DCC: variants seen among roughly 807,000 people sequenced by gnomAD.
DCC encodes DCC netrin 1 receptor.
A neutral mutation model predicts 172.5 loss-of-function variants in DCC; 58 were observed. That is an observed-to-expected ratio of 0.34 (90% CI 0.27 to 0.42). The LOEUF is 0.42. Ranked by LOEUF, DCC falls within the 10% of genes least tolerant of loss-of-function variation. The pLI is 1.00. For synonymous variants in DCC, 709 were observed against 644.5 expected (o/e 1.10, Z -1.52); for missense variants, 1,740 against 1,791.0 (o/e 0.97, Z 0.51).
intron 1 of DCC, among the ~76,000 whole-genome samples, chr18:52,560,617 C>G (rs1435530385): frequency 6.6e-6 from 1 of 152,210 alleles, no homozygotes; most frequent in Non-Finnish European, 1.5e-5. Flanking sequence ...CTTAAATACT[C>G]TTTGATCTTG....
At chr18:52,549,385 C>A (rs975976956) in intron 1 of DCC, among the ~76,000 whole-genome samples, 18 of 151,994 alleles carry the variant, frequency 1.2e-4, no homozygotes, top group African/African-American at 4.3e-4. Context: ...ATTCTCTTAT[C>A]CCCATTTGTC....
chr18:52,770,256 T>C (rs1309799390), intron 2 of DCC, among the ~76,000 whole-genome samples: 1 of 152,186 alleles, frequency 6.6e-6, no homozygotes, highest in African/African-American at 2.4e-5. Flanking sequence ...CATGTCTCAC[T>C]TCCTCCCACA....
chr18:53,499,523 G>T lies in DCC; in HGVS notation c.4111+13G>T. The T allele has an allele frequency of 6.2e-7, 1 of 1,601,878 alleles. No homozygotes were observed. Among genetic ancestry groups the T allele is most frequent in the Non-Finnish European group, 8.6e-7 (1 of 1,168,940 alleles). On this transcript the variant is annotated intron_variant, in intron 27 of 28. Coordinates refer to ENST00000442544, the MANE Select transcript of DCC (RefSeq NM_005215.4). The stretch of plus-strand genomic sequence containing the variant: ...TTGTCTCAGCCAGGTAAAGTACTCG[G>T]TTGTTCACCTTTAAAATTCTTATTA...
chr18:52,538,542 C>G (rs982652811), intron 1 of DCC, among the ~76,000 whole-genome samples: 1 of 151,992 alleles, frequency 6.6e-6, no homozygotes, highest in Non-Finnish European at 1.5e-5. Flanking sequence ...ATAATAAATC[C>G]TGCCTTATTA....
chr18:53,315,742 T>G (rs534828747), intron 13 of DCC, among the ~76,000 whole-genome samples: 9 of 152,238 alleles, frequency 5.9e-5, no homozygotes, highest in Non-Finnish European at 2.9e-5. Context: ...ATATATTTTT[T>G]GGCCCCAGGA....
At chr18:53,313,547 C>T (rs951574640) in intron 13 of DCC, among the ~76,000 whole-genome samples, 2 of 152,120 alleles carry the variant, frequency 1.3e-5, no homozygotes, top group African/African-American at 4.8e-5. Flanking sequence ...CTCCCGGCCG[C>T]ATTTCTAAGC....
chr18:52,430,144 A>G (rs1987572708), intron 1 of DCC, among the ~76,000 whole-genome samples: 1 of 152,130 alleles, frequency 6.6e-6, no homozygotes. Flanking sequence ...GAGACACCCA[A>G]TCTACATTCT....
intron 14 of DCC, among the ~76,000 whole-genome samples, chr18:53,335,129 C>T (rs2057577347): frequency 6.6e-6 from 1 of 152,080 alleles, no homozygotes; most frequent in African/African-American, 2.4e-5. Flanking sequence ...TCTTTGGTTT[C>T]TCTGAATACC....
Position 52,350,666 on chromosome 18 carries a change from A to T in DCC, c.91+9788A>T, listed in dbSNP as rs547705480. 2.6e-3 allele frequency among the ~76,000 whole-genome samples: 397 copies of T among 152,332 alleles called. 3 individuals are homozygous for T. Among genetic ancestry groups the T allele is most frequent in the African/African-American group, 9.1e-3 (378 of 41,590 alleles). On this transcript the variant is annotated intron_variant, in intron 1 of 28. Transcript: ENST00000442544. ...GTATTCCAGAACTTAAATATAATTTAAAAAACTCATAATATATTAATATTT... is the reference window on the plus strand; with the variant it reads ...GTATTCCAGAACTTAAATATAATTTTAAAAACTCATAATATATTAATATTT...
In DCC at chr18:52,543,193, AT is replaced by A. The variant is rs368003769; in HGVS notation, c.91+202318del. Among the ~76,000 whole-genome samples the A allele has an allele frequency of 2.9e-4, 44 of 152,356 alleles. No individual in the cohort carries two copies. In the South Asian group the frequency reaches 5.2e-3, roughly 18 times the overall value. ...ACAGAGAAAGATGTGTAGTTTTAAA[AT>A]TTCTAATAACCATATTCAAAAAGTA... On this transcript the variant is annotated intron_variant, in intron 1 of 28. Coordinates refer to ENST00000442544, the MANE Select transcript of DCC (RefSeq NM_005215.4).
intron 7 of DCC, among the ~76,000 whole-genome samples, chr18:53,115,781 ATT>A (rs1403357600): frequency 1.3e-5 from 2 of 151,582 alleles, no homozygotes; most frequent in African/African-American, 4.8e-5. Flanking sequence ...TTGAACAAAA[ATT>A]TTTTTGTATT....
intron 12 of DCC, among the ~76,000 whole-genome samples, chr18:53,242,169 A>G (rs2056304954): frequency 6.6e-6 from 1 of 152,180 alleles, no homozygotes; most frequent in African/African-American, 2.4e-5. Context: ...CACTGGTAAC[A>G]AAGGGAAACT....
chr18:53,198,436 TC>T (rs2055482741), intron 9 of DCC, among the ~76,000 whole-genome samples: 1 of 45,260 alleles, frequency 2.2e-5, no homozygotes, highest in Non-Finnish European at 6.5e-5. Flanking sequence ...TGAGCAGCTC[TC>T]TCTCTCTCTC....
intron 5 of DCC, among the ~76,000 whole-genome samples, chr18:52,985,602 C>A (rs1372215988): frequency 6.6e-6 from 1 of 152,088 alleles, no homozygotes; most frequent in Non-Finnish European, 1.5e-5. Context: ...GTCAATTTTT[C>A]AGTCACAGGG....
intron 2 of DCC, among the ~76,000 whole-genome samples, chr18:52,797,705 A>G (rs2037902308): frequency 6.6e-6 from 1 of 152,146 alleles, no homozygotes; most frequent in African/African-American, 2.4e-5. Flanking sequence ...AGTGGTAGGT[A>G]GGTTGAACTT....
chr18:52,958,595 A>C (rs74717735), intron 5 of DCC, among the ~76,000 whole-genome samples: 1 of 152,282 alleles, frequency 6.6e-6, no homozygotes, highest in East Asian at 1.9e-4. Context: ...GATGACCTAA[A>C]CTGGGGCACG....
At chr18:52,833,728 A>G (rs2038656204) in intron 2 of DCC, among the ~76,000 whole-genome samples, 2 of 152,188 alleles carry the variant, frequency 1.3e-5, no homozygotes, top group Admixed American at 6.5e-5. Flanking sequence ...CTTCCTGACA[A>G]GAGCTCACTG....
At chr18:52,962,146 G>T (rs2040852480) in intron 5 of DCC, among the ~76,000 whole-genome samples, 1 of 150,232 alleles carries the variant, frequency 6.7e-6, no homozygotes, top group Non-Finnish European at 1.5e-5. Context: ...CACAGCAAAA[G>T]AAACTACCAT....
intron 1 of DCC, among the ~76,000 whole-genome samples, chr18:52,593,436 T>C (rs1367670431): frequency 3.3e-5 from 5 of 152,208 alleles, no homozygotes; most frequent in African/African-American, 7.2e-5. Flanking sequence ...AAATTCTCTT[T>C]TAAAATGGAA....
Sources: gnomAD v4.1 joint callset for allele counts (sites outside exome capture counted in the v4.1 genomes callset) on GRCh38, gnomAD v4.1.1 for gene constraint, MANE v1.5 for transcripts, NCBI Gene and HGNC (gene_info 2026-07-23, HGNC 2026-07-21) for gene names.